Variants in CUX1 observed in about 807,000 individuals in gnomAD.
CUX1 encodes the protein protein CASP.
CUX1 carries 31 observed loss-of-function variants against 158.8 expected under a neutral mutation model. The observed-to-expected ratio is 0.20, with a 90% CI of 0.15 to 0.26. The LOEUF is 0.26. Among genes scored for constraint, CUX1 ranks in the 10% least tolerant of loss-of-function variants. The pLI is 1.00. For missense variants in CUX1, 1,589 were observed against 2,014.6 expected (o/e 0.79, Z 4.04); for synonymous variants, 879 against 862.1 (o/e 1.02, Z -0.34).
intron 2 of CUX1, among the ~76,000 whole-genome samples, chr7:101,940,731 G>C (rs759496983): frequency 2.6e-4 from 40 of 152,076 alleles, no homozygotes; most frequent in Non-Finnish European, 5.3e-4. Flanking sequence ...GGTTGGGCAC[G>C]TTATTGATCA....
At position 101,926,319 on chromosome 7, in the gene CUX1, T is replaced by A. The variant is rs986464702; in HGVS notation, c.141+10094T>A. On this transcript the variant is annotated intron_variant, in intron 2 of 23. Coordinates refer to ENST00000292535, the MANE Select transcript of CUX1 (RefSeq NM_181552.4). ...TATCAACCCAAGACATTATTTTCTT[T>A]CTTTTGGGTCTCTAGGGGAGAAGAG... 7.9e-5 allele frequency among the ~76,000 whole-genome samples: 12 copies of A among 152,300 alleles called. No individual in the cohort carries two copies. The East Asian group carries it at 2.3e-3, about 29-fold the overall frequency.
At chr7:101,852,665 GA>G (rs1166908613) in intron 1 of CUX1, among the ~76,000 whole-genome samples, 156 of 138,986 alleles carry the variant, frequency 1.1e-3, no homozygotes, top group Non-Finnish European at 1.8e-3. Flanking sequence ...CTCTGCGTTG[GA>G]ATTTTTTTTT....
chr7:102,001,828 C>G (rs996921670), intron 2 of CUX1, among the ~76,000 whole-genome samples: 1 of 152,180 alleles, frequency 6.6e-6, no homozygotes, highest in South Asian at 2.1e-4. Flanking sequence ...CAGGTGTGCT[C>G]GAAGCAGCAA....
chr7:102,008,518 C>T (rs1301311598), intron 2 of CUX1, among the ~76,000 whole-genome samples: 1 of 152,158 alleles, frequency 6.6e-6, no homozygotes, highest in Non-Finnish European at 1.5e-5. Flanking sequence ...GTGTGCGTGT[C>T]TTTATTCTCC....
intron 3 of CUX1, among the ~76,000 whole-genome samples, chr7:102,055,812 G>C (rs758341413): frequency 3.7e-4 from 56 of 152,176 alleles, no homozygotes; most frequent in Non-Finnish European, 6.8e-4. Context: ...TTAAAAGCTG[G>C]ACTTCTTGCA....
chr7:101,929,931 TC>T (rs1806101939), intron 2 of CUX1, among the ~76,000 whole-genome samples: 1 of 152,112 alleles, frequency 6.6e-6, no homozygotes, highest in South Asian at 2.1e-4. Flanking sequence ...AACTTCTACC[TC>T]CCGGGTTCAA....
chr7:101,856,540 C>T (rs1019179174), intron 1 of CUX1, among the ~76,000 whole-genome samples: 3 of 152,158 alleles, frequency 2.0e-5, no homozygotes, highest in African/African-American at 7.2e-5. Flanking sequence ...GCGTGTCATG[C>T]GTTCCCCAGC....
intron 8 of CUX1, 84 bp from the exon 9 acceptor site, chr7:102,158,476 C>T (rs1790035498): frequency 4.9e-6 from 7 of 1,423,330 alleles, no homozygotes; most frequent in Non-Finnish European, 6.9e-6. Flanking sequence ...CTTCCCGAGC[C>T]CTGAGCTAGG....
At chr7:102,210,189 G>T (rs372014867) in intron 20 of CUX1, among the ~76,000 whole-genome samples, 1 of 152,010 alleles carries the variant, frequency 6.6e-6, no homozygotes, top group East Asian at 1.9e-4. Context: ...CTACACCTCC[G>T]GGGTTCAAGT....
Position 102,044,694 on chromosome 7 carries a change from A to C in CUX1, c.189+16549A>C, listed in dbSNP as rs555343591. Reference sequence around the variant, plus strand: ...CCCTGCTTCTCGCCTTCTCCTTGTTAATGAGTACTTATTGAGTGTGATGTG... The same window carrying C: ...CCCTGCTTCTCGCCTTCTCCTTGTTCATGAGTACTTATTGAGTGTGATGTG... On this transcript the variant is annotated intron_variant, in intron 3 of 23. Transcript: ENST00000292535. Among the ~76,000 whole-genome samples the C allele has an allele frequency of 4.6e-5, 7 of 152,066 alleles. No individual in the cohort carries two copies. The South Asian group carries it at 1.5e-3, about 32-fold the overall frequency.
rs568349916 is a variant in CUX1, at chr7:101,968,131, C to T, written c.141+51906C>T. Among the ~76,000 whole-genome samples, 33 of 152,170 alleles carry T rather than the reference C, an allele frequency of 2.2e-4. No homozygotes were observed. The South Asian group carries it at 4.8e-3, about 22-fold the overall frequency. ...CATTGCCCAGGCTGGTCTCCAATTC[C>T]GAGGCTCAAGTGATATTCCCACCTT... On this transcript the variant is annotated intron_variant, in intron 2 of 23. Transcript: ENST00000292535.
chr7:102,259,206 C>T (rs1339177090), downstream of CUX1, among the ~76,000 whole-genome samples: 2 of 152,220 alleles, frequency 1.3e-5, no homozygotes, highest in South Asian at 4.1e-4. Flanking sequence ...CTCGGCAGCC[C>T]CGTGTCTGAT....
chr7:101,920,137 T>C (rs1480047633), intron 2 of CUX1, among the ~76,000 whole-genome samples: 2 of 151,568 alleles, frequency 1.3e-5, no homozygotes, highest in Non-Finnish European at 2.9e-5. Context: ...TTTTTTTTTT[T>C]TTCTTCAAGT....
intron 8 of CUX1, among the ~76,000 whole-genome samples, chr7:102,146,534 G>C (rs1471521457): frequency 6.6e-6 from 1 of 152,180 alleles, no homozygotes; most frequent in African/African-American, 2.4e-5. Context: ...TTTTCTTCCC[G>C]TTTGGGATTG....
At chr7:101,846,051 G>C (rs1487941889) in intron 1 of CUX1, among the ~76,000 whole-genome samples, 7 of 151,868 alleles carry the variant, frequency 4.6e-5, no homozygotes, top group Non-Finnish European at 1.0e-4. Flanking sequence ...CCCACCCCAG[G>C]CCTCCTGAGA....
intron 14 of CUX1, chr7:102,264,721 G>A (rs1790674545): frequency 6.6e-6 from 1 of 152,466 alleles, no homozygotes; most frequent in African/African-American, 2.4e-5. Flanking sequence ...AACCCCCACA[G>A]CCATGCCAGA....
At chr7:102,060,608 A>ACACACACACACACACACACACACACAC (rs1824723298) in intron 3 of CUX1, among the ~76,000 whole-genome samples, 1 of 133,214 alleles carries the variant, frequency 7.5e-6, no homozygotes, top group East Asian at 2.3e-4. Context: ...CACACAAATA[A>ACACACACACACACACACACACACACAC]ACACACACAC....
At chr7:102,061,361 C>T (rs1055207268) in intron 3 of CUX1, among the ~76,000 whole-genome samples, 2 of 152,162 alleles carry the variant, frequency 1.3e-5, no homozygotes, top group African/African-American at 4.8e-5. Flanking sequence ...AGCCCCAGTG[C>T]GCAATGCTGG....
intron 2 of CUX1, among the ~76,000 whole-genome samples, chr7:101,999,126 A>T (rs1445531018): frequency 6.7e-6 from 1 of 149,744 alleles, no homozygotes; most frequent in Non-Finnish European, 1.5e-5. Flanking sequence ...TGGAGTCCGC[A>T]TGGCTGTGGC....
Sources: gnomAD v4.1 joint callset for allele counts (sites outside exome capture counted in the v4.1 genomes callset) on GRCh38, gnomAD v4.1.1 for gene constraint, MANE v1.5 for transcripts, NCBI Gene and HGNC (gene_info 2026-07-23, HGNC 2026-07-21) for gene names.